Variants in ASTN2 observed in about 807,000 individuals in gnomAD.
The protein encoded by ASTN2 is astrotactin 2.
Under a neutral mutation model 139.8 loss-of-function variants are expected in ASTN2, and 54 were observed. The ratio of observed to expected loss-of-function variants is 0.39; its 90% CI spans 0.31 to 0.48. The LOEUF (loss-of-function observed/expected upper bound fraction) is 0.48. Among genes scored for constraint, ASTN2 ranks in the 20% least tolerant of loss-of-function variants. The pLI, the probability that ASTN2 is intolerant of heterozygous loss-of-function variation, is 0.95. For synonymous variants in ASTN2, 756 were observed against 719.5 expected, an observed-to-expected ratio of 1.05 and a Z score of -0.81; for missense variants, 1,565 against 1,725.1, an observed-to-expected ratio of 0.91 and a Z score of 1.64.
intron 6 of ASTN2, among the ~76,000 whole-genome samples, chr9:117,038,865 G>C (rs1040714110): frequency 3.4e-4 from 52 of 152,160 alleles, no homozygotes; most frequent in Admixed American, 1.2e-3. Context: ...ACCATGCTTT[G>C]CTAATGACTA....
chr9:117,378,047 T>C (rs1418717511), intron 1 of ASTN2, among the ~76,000 whole-genome samples: 2 of 152,248 alleles, frequency 1.3e-5, no homozygotes, highest in Non-Finnish European at 2.9e-5. Flanking sequence ...CATGATTTTG[T>C]TGCGTTTATA....
chr9:117,277,470 G>A (rs1042741994), intron 2 of ASTN2, among the ~76,000 whole-genome samples: 1 of 152,168 alleles, frequency 6.6e-6, no homozygotes, highest in Admixed American at 6.5e-5. Flanking sequence ...TTGGTGCCCT[G>A]TTAGTGGGAA....
chr9:116,965,792 C>T (rs1835995857), intron 10 of ASTN2, among the ~76,000 whole-genome samples: 1 of 152,122 alleles, frequency 6.6e-6, no homozygotes, highest in Non-Finnish European at 1.5e-5. Context: ...AGGGAGAAGC[C>T]ATGGAATGAT....
At chr9:117,383,483 T>C (rs1024321509) in intron 1 of ASTN2, among the ~76,000 whole-genome samples, 2 of 152,076 alleles carry the variant, frequency 1.3e-5, no homozygotes, top group Admixed American at 6.6e-5. Context: ...TTTCATTGCA[T>C]GCAAATTCAA....
At chr9:116,645,526 A>C (rs947016362) in intron 17 of ASTN2, among the ~76,000 whole-genome samples, 4 of 152,090 alleles carry the variant, frequency 2.6e-5, no homozygotes, top group African/African-American at 9.7e-5. Context: ...GCCATCGAGA[A>C]TACCTTGGTC....
chr9:117,306,991 G>C (rs1408424866), intron 1 of ASTN2, among the ~76,000 whole-genome samples: 1 of 152,180 alleles, frequency 6.6e-6, no homozygotes, highest in East Asian at 1.9e-4. Flanking sequence ...TGGGAACATT[G>C]GGAGTGAGGA....
intron 2 of ASTN2, among the ~76,000 whole-genome samples, chr9:117,234,029 A>G (rs1031681002): frequency 8.5e-5 from 13 of 152,310 alleles, no homozygotes; most frequent in Admixed American, 3.9e-4. Context: ...TCCCTGCTAA[A>G]ATTGTTGATG....
At chr9:116,430,744 G>T (rs757487592) in intron 22 of ASTN2, among the ~76,000 whole-genome samples, 6 of 152,232 alleles carry the variant, frequency 3.9e-5, no homozygotes, top group Non-Finnish European at 8.8e-5. Flanking sequence ...ACCAATGTTT[G>T]CATTTAGAAA....
intron 4 of ASTN2, among the ~76,000 whole-genome samples, chr9:117,097,314 C>G (rs1828864800): frequency 6.6e-6 from 1 of 152,120 alleles, no homozygotes; most frequent in African/African-American, 2.4e-5. Context: ...GCAATTATGC[C>G]ACAATACTAA....
intron 16 of ASTN2, among the ~76,000 whole-genome samples, chr9:116,686,189 CAGAT>C (rs373465703): frequency 2.1e-3 from 317 of 152,228 alleles, no homozygotes; most frequent in Non-Finnish European, 3.2e-3. Context: ...AGTGGGTTCT[CAGAT>C]AGAATTGGGT....
At chr9:117,323,418 T>C (rs958791722) in intron 1 of ASTN2, among the ~76,000 whole-genome samples, 5 of 152,112 alleles carry the variant, frequency 3.3e-5, no homozygotes, top group African/African-American at 9.7e-5. Flanking sequence ...AATTAACCTC[T>C]TTGCTCCGGC....
chr9:116,609,750 AATAAAG>A (rs1166497304), intron 19 of ASTN2, among the ~76,000 whole-genome samples: 1 of 152,062 alleles, frequency 6.6e-6, no homozygotes, highest in Non-Finnish European at 1.5e-5. Flanking sequence ...AAGAAAAAAC[AATAAAG>A]ATAAATTGTG....
Position 116,442,111 on chromosome 9 carries a change from G to A in ASTN2, c.3598+342C>T, listed in dbSNP as rs7867105. Among the ~76,000 whole-genome samples, 511 of 152,296 alleles carry A rather than the reference G, an allele frequency of 3.4e-3. 2 individuals are homozygous for A. Among genetic ancestry groups the A allele is most frequent in the Non-Finnish European group, 5.0e-3 (340 of 68,030 alleles). On this transcript the variant is annotated intron_variant, in intron 21 of 22. Coordinates refer to ENST00000313400, the MANE Select transcript of ASTN2 (RefSeq NM_001365068.1). ...CTAGCAACGACAAGTGGGAGAAAAT[G>A]ATTGGTCCCTGAGAAATCTAGGCCA... is the stretch of plus-strand genomic sequence containing the variant.
chr9:116,452,718 T>G lies in ASTN2; in HGVS notation c.3498-10165A>C, dbSNP rs561719584. Among the ~76,000 whole-genome samples the G allele has an allele frequency of 4.2e-4, 64 of 152,356 alleles. 1 individual carries two copies. The highest frequency in any genetic ancestry group is 1.5e-3 in the African/African-American group (64 of 41,590). On this transcript the variant is annotated intron_variant, in intron 20 of 22. Transcript: ENST00000313400. ...AGCCAGGCCCCAACATAGGTCTACT[T>G]ACTCAAAGTCCACTGCTCTTTCCAA...
chr9:117,075,689 T>A (rs1326274977), intron 5 of ASTN2, among the ~76,000 whole-genome samples: 2 of 152,178 alleles, frequency 1.3e-5, no homozygotes, highest in Non-Finnish European at 2.9e-5. Flanking sequence ...TTTAGCTCCA[T>A]CTTTGCCACT....
chr9:116,764,207 G>T (rs146119701), intron 13 of ASTN2, among the ~76,000 whole-genome samples: 3 of 152,172 alleles, frequency 2.0e-5, no homozygotes, highest in Non-Finnish European at 4.4e-5. Context: ...TGCCTGTGTC[G>T]CTAGCATGCA....
intron 5 of ASTN2, among the ~76,000 whole-genome samples, chr9:117,084,508 T>C (rs1416893184): frequency 6.6e-6 from 1 of 152,226 alleles, no homozygotes; most frequent in Non-Finnish European, 1.5e-5. Context: ...CGCAACTTAT[T>C]GGTTCCATTA....
At chr9:116,928,738 A>G (rs906868386) in intron 10 of ASTN2, among the ~76,000 whole-genome samples, 1 of 142,006 alleles carries the variant, frequency 7.0e-6, no homozygotes, top group African/African-American at 2.5e-5. Flanking sequence ...GGTACAGGGT[A>G]AAAAAAAAAA....
intron 6 of ASTN2, among the ~76,000 whole-genome samples, chr9:117,023,178 T>C (rs569907913): frequency 2.0e-5 from 3 of 152,250 alleles, no homozygotes; most frequent in South Asian, 4.2e-4. Flanking sequence ...AATCAAAGAA[T>C]ACTGCTCAGA....
Sources: allele counts gnomAD v4.1 joint callset (sites outside exome capture counted in the v4.1 genomes callset), GRCh38; gene constraint gnomAD v4.1.1; transcripts MANE v1.5; gene names NCBI Gene and HGNC (gene_info 2026-07-23, HGNC 2026-07-21).